The following CD200 variants were observed in gnomAD, a reference collection of about 807,000 sequenced individuals.
CD200 encodes the protein CD200 molecule, also known as OX-2 membrane glycoprotein.
CD200 carries 15 observed loss-of-function variants against 30.9 expected under a neutral mutation model. That is an observed-to-expected ratio of 0.49 (90% confidence interval 0.32 to 0.75). CD200 has a LOEUF of 0.75. CD200 is among the 30% of genes least tolerant of loss of function. The pLI is 0.03. For missense variants in CD200, 262 were observed against 324.2 expected (o/e 0.81, Z 1.47); for synonymous variants, 134 against 126.2 (o/e 1.06, Z -0.41).
chr3:112,342,344 TC>T (rs2081271473), intron 2 of CD200, among the ~76,000 whole-genome samples: 1 of 8,210 alleles, frequency 1.2e-4, no homozygotes. Flanking sequence ...TTTCCTTCTT[TC>T]TTTCTTTCTT....
intron 1 of CD200, chr3:112,333,553 C>G (rs974343808): frequency 2.0e-6 from 2 of 985,298 alleles, no homozygotes; most frequent in Admixed American, 6.1e-5. Flanking sequence ...CGGGCAGGCT[C>G]GGCTCGGCTC....
intron 2 of CD200, among the ~76,000 whole-genome samples, chr3:112,342,299 TTCC>T (rs2081256704): frequency 2.0e-5 from 1 of 50,730 alleles, no homozygotes; most frequent in Admixed American, 1.8e-4. Context: ...CCTTCCTTCC[TTCC>T]TTCCTTTCTT....
chr3:112,358,922 A>G (rs2081681586), intron 5 of CD200, among the ~76,000 whole-genome samples: 1 of 131,328 alleles, frequency 7.6e-6, no homozygotes, highest in Non-Finnish European at 1.5e-5. Context: ...GTGAGAGGAA[A>G]GAAAGAGAGA....
intron 4 of CD200, among the ~76,000 whole-genome samples, chr3:112,348,591 C>A (rs2399418): frequency 6.6e-6 from 1 of 152,148 alleles, no homozygotes; most frequent in East Asian, 1.9e-4. Context: ...AGTTTTGAAG[C>A]ACTGACTCTT....
At chr3:112,359,931 A>G (rs973760215) in intron 5 of CD200, among the ~76,000 whole-genome samples, 1 of 152,250 alleles carries the variant, frequency 6.6e-6, no homozygotes, top group Non-Finnish European at 1.5e-5. Flanking sequence ...GTGACTTTTA[A>G]TCAGAGACCT....
chr3:112,358,518 T>C (rs577495013), intron 5 of CD200, among the ~76,000 whole-genome samples: 1 of 152,326 alleles, frequency 6.6e-6, no homozygotes, highest in South Asian at 2.1e-4. Context: ...AGAGAAACTG[T>C]TTTGCTTAGA....
intron 2 of CD200, among the ~76,000 whole-genome samples, chr3:112,342,883 C>A (rs1005956332): frequency 6.6e-6 from 1 of 152,118 alleles, no homozygotes; most frequent in South Asian, 2.1e-4. Context: ...CAAGGCCATA[C>A]GTAGGGTAGC....
chr3:112,354,520 C>A (rs566411527), intron 5 of CD200, among the ~76,000 whole-genome samples: 252 of 152,346 alleles, frequency 1.7e-3, no homozygotes, highest in African/African-American at 5.9e-3. Flanking sequence ...TGCCTCTAAA[C>A]AGATACAAGG....
rs199497837 is a variant in CD200 at position 112,333,243 on chromosome 3, T to G, written c.12+19T>G. ...GAGGCTGGTGAGCGGGGCCGGGGCTTGGGAAGGAGGGCGCAGGGCAGGCGA... is the reference window on the plus strand; with the variant it reads ...GAGGCTGGTGAGCGGGGCCGGGGCTGGGGAAGGAGGGCGCAGGGCAGGCGA... On this transcript the variant is annotated intron_variant, in intron 1 of 5. Coordinates refer to ENST00000315711, the MANE Select transcript of CD200 (RefSeq NM_005944.7). The G allele has an allele frequency of 1.7e-3, 2,585 of 1,548,316 alleles. 53 individuals are homozygous for G. Among genetic ancestry groups the G allele is most frequent in the Non-Finnish European group, 1.0e-4 (117 of 1,145,998 alleles).
rs192831406 is a variant in CD200, at chr3:112,336,726, T to G, written c.12+3502T>G. On this transcript the variant is annotated intron_variant, in intron 1 of 5. Coordinates refer to ENST00000315711, the MANE Select transcript of CD200 (RefSeq NM_005944.7). ...AAAGGGATGCCCGTGATGGGTTCAT[T>G]AAGGAAAAAGTGGTCAGGACATCCC... 8.6e-5 allele frequency among the ~76,000 whole-genome samples: 13 copies of G among 152,032 alleles called. No homozygotes were observed. In the East Asian group the frequency reaches 1.7e-3, roughly 20 times the overall value.
chr3:112,342,368 T>C (rs1401054507), intron 2 of CD200, among the ~76,000 whole-genome samples: 1,038 of 38,190 alleles, frequency 0.027, 95 homozygotes, highest in East Asian at 0.093. Context: ...TTTCTTTCTT[T>C]CTTTCTTTCT....
rs1287066376 is a variant in CD200, at chr3:112,349,761, T to G, written c.744T>G (p.Ile248Met). Residue 248 changes from isoleucine (I) to methionine (M), a missense_variant, in exon 5 of 6, where the codon ATT becomes ATG. By Grantham distance (10) the Ile-to-Met change is conservative (BLOSUM62 1). Transcript: ENST00000315711. ...TGCTAAGCATTGTTTCCCTGGTAAT[T>G]CTTCTCGTCCTAATCTCAATCTTAC... is the stretch of plus-strand genomic sequence containing the variant. ...PLLLSIVSLV[I>M]LLVLISILLY... 2 of 1,612,238 alleles carry G rather than the reference T, an allele frequency of 1.2e-6. No individual in the cohort carries two copies. Among genetic ancestry groups the G allele is most frequent in the African/African-American group, 1.3e-5 (1 of 74,860 alleles).
At chr3:112,360,554 A>G (rs1001251169) in intron 5 of CD200, among the ~76,000 whole-genome samples, 1 of 152,176 alleles carries the variant, frequency 6.6e-6, no homozygotes, top group Non-Finnish European at 1.5e-5. Context: ...TTTTTCTAGT[A>G]ATTCGTTTTT....
chr3:112,344,109 T>A (rs1392178453), intron 2 of CD200, among the ~76,000 whole-genome samples: 7 of 152,240 alleles, frequency 4.6e-5, no homozygotes, highest in African/African-American at 1.4e-4. Context: ...AATGCTTTTA[T>A]TATGCTTTTA....
chr3:112,339,103 C>T (rs963969380), intron 1 of CD200, among the ~76,000 whole-genome samples: 3 of 152,072 alleles, frequency 2.0e-5, no homozygotes, highest in Admixed American at 2.0e-4. Context: ...TAAATGTTAG[C>T]ATTAGTGGTT....
At chr3:112,342,348 T>C (rs1372965717) in intron 2 of CD200, among the ~76,000 whole-genome samples, 119 of 9,336 alleles carry the variant, frequency 0.013, 1 homozygote, top group East Asian at 0.026. Context: ...CTTCTTTCTT[T>C]CTTTCTTTCT....
intron 5 of CD200, among the ~76,000 whole-genome samples, chr3:112,353,277 A>G (rs146414264): frequency 6.6e-6 from 1 of 152,038 alleles, no homozygotes; most frequent in African/African-American, 2.4e-5. Context: ...ACAATCACCT[A>G]ATTTTTAGGC....
At chr3:112,360,035 C>CTA (rs1322125940) in intron 5 of CD200, among the ~76,000 whole-genome samples, 1 of 152,138 alleles carries the variant, frequency 6.6e-6, no homozygotes, top group Non-Finnish European at 1.5e-5. Flanking sequence ...GCAGAAAAGT[C>CTA]ATTAATATTT....
chr3:112,341,334 G>A (rs1428474786), intron 2 of CD200, among the ~76,000 whole-genome samples: 1 of 152,186 alleles, frequency 6.6e-6, no homozygotes, highest in Non-Finnish European at 1.5e-5. Flanking sequence ...TTTTTGGAAA[G>A]TAATCTGGCA....
Sources: allele counts gnomAD v4.1 joint callset (sites outside exome capture counted in the v4.1 genomes callset), GRCh38; gene constraint gnomAD v4.1.1; transcripts MANE v1.5; gene names NCBI Gene and HGNC (gene_info 2026-07-23, HGNC 2026-07-21).